The following THSD7B variants were observed in gnomAD, a reference collection of about 807,000 sequenced individuals.
The protein encoded by THSD7B is thrombospondin type 1 domain containing 7B.
THSD7B carries 138 observed loss-of-function variants against 213.6 expected under a neutral mutation model. That is an observed-to-expected ratio of 0.65 (90% CI 0.56 to 0.74). The LOEUF is 0.74. Among genes scored for constraint, THSD7B ranks in the 30% least tolerant of loss-of-function variants. THSD7B has a pLI of 0.00. For synonymous variants in THSD7B, 742 were observed against 687.0 expected, an observed-to-expected ratio of 1.08 and a Z score of -1.25; for missense variants, 1,931 against 1,991.5, an observed-to-expected ratio of 0.97 and a Z score of 0.58.
At position 137,667,813 on chromosome 2, in the gene THSD7B, G is replaced by C. The variant is rs1683478955; in HGVS notation, c.4691G>C (p.Gly1564Ala). The change falls in exon 27 of 28, where the codon GGC becomes GCC. Residue 1564 changes from glycine to alanine, a missense_variant. Physicochemically the swap from Gly to Ala is moderately conservative, Grantham distance 60 (BLOSUM62 0). Transcript: ENST00000409968. Reference protein sequence around the residue: ...VKIWVYGVSGGAFLIMIFLIF... With the variant: ...VKIWVYGVSGAAFLIMIFLIF... ...ATTTGGGTTTATGGCGTTTCAGGTG[G>C]CGCTTTTCTCATCATGATTTTCCTA... 1.9e-6 allele frequency: 3 copies of C among 1,606,002 alleles called. No homozygotes were observed. The African/African-American group carries it at 4.0e-5, about 21-fold the overall frequency.
At chr2:136,946,814 T>G (rs995190641) in intron 2 of THSD7B, among the ~76,000 whole-genome samples, 34 of 152,218 alleles carry the variant, frequency 2.2e-4, no homozygotes, top group Admixed American at 2.2e-3. Context: ...AATCTCCTGA[T>G]GTACTATTTG....
At chr2:137,010,983 T>C (rs1573765539) in intron 2 of THSD7B, among the ~76,000 whole-genome samples, 1 of 152,286 alleles carries the variant, frequency 6.6e-6, no homozygotes, top group Non-Finnish European at 1.5e-5. Flanking sequence ...ATTTTTATCA[T>C]TATCATGATT....
intron 20 of THSD7B, among the ~76,000 whole-genome samples, chr2:137,627,736 T>C (rs927219705): frequency 6.6e-6 from 1 of 152,096 alleles, no homozygotes; most frequent in Non-Finnish European, 1.5e-5. Flanking sequence ...GACAACTACT[T>C]CCACAAAGAA....
intron 13 of THSD7B, among the ~76,000 whole-genome samples, chr2:137,409,639 G>A (rs1257098589): frequency 6.6e-6 from 1 of 152,210 alleles, no homozygotes; most frequent in Non-Finnish European, 1.5e-5. Context: ...AGGATCAGAA[G>A]AGAGATGAAC....
intron 15 of THSD7B, among the ~76,000 whole-genome samples, chr2:137,469,773 T>C (rs1426613969): frequency 6.6e-6 from 1 of 152,210 alleles, no homozygotes; most frequent in African/African-American, 2.4e-5. Context: ...TATTTTACTT[T>C]GTGATGAACC....
chr2:137,108,847 G>A (rs1176860741), intron 4 of THSD7B, among the ~76,000 whole-genome samples: 3 of 152,136 alleles, frequency 2.0e-5, no homozygotes, highest in African/African-American at 7.2e-5. Flanking sequence ...AAGACAGATG[G>A]TAGGAGGTAA....
chr2:137,039,525 T>C (rs1339505587), intron 2 of THSD7B, among the ~76,000 whole-genome samples: 2 of 152,158 alleles, frequency 1.3e-5, no homozygotes, highest in African/African-American at 4.8e-5. Context: ...GCCCCAAATG[T>C]TTAAAGTGCC....
At chr2:137,159,973 C>A (rs1344997670) in intron 5 of THSD7B, among the ~76,000 whole-genome samples, 1 of 152,146 alleles carries the variant, frequency 6.6e-6, no homozygotes, top group Non-Finnish European at 1.5e-5. Flanking sequence ...CAGTGAATAC[C>A]CTGCAAAGCA....
At chr2:136,958,744 G>T (rs1394942679) in intron 2 of THSD7B, among the ~76,000 whole-genome samples, 1 of 152,152 alleles carries the variant, frequency 6.6e-6, no homozygotes, top group Non-Finnish European at 1.5e-5. Flanking sequence ...TTACAGGAGG[G>T]AGGTTTCAGT....
intron 7 of THSD7B, among the ~76,000 whole-genome samples, chr2:137,200,547 G>A (rs1303233923): frequency 1.3e-5 from 2 of 151,896 alleles, no homozygotes; most frequent in African/African-American, 2.4e-5. Context: ...ATTTTTAAAT[G>A]CAAACACACA....
intron 14 of THSD7B, among the ~76,000 whole-genome samples, chr2:137,440,535 G>A (rs1687386130): frequency 6.6e-6 from 1 of 151,660 alleles, no homozygotes; most frequent in Admixed American, 6.6e-5. Context: ...CTTAGTTTAG[G>A]GACTGTAGAA....
intron 12 of THSD7B, among the ~76,000 whole-genome samples, chr2:137,383,752 C>CAG (rs1469407028): frequency 6.6e-6 from 1 of 152,110 alleles, no homozygotes; most frequent in African/African-American, 2.4e-5. Context: ...TGCTTGTGCC[C>CAG]AGAGAGAGAG....
chr2:136,827,285 T>G (rs1200038873), intron 1 of THSD7B, among the ~76,000 whole-genome samples: 2 of 152,198 alleles, frequency 1.3e-5, no homozygotes, highest in Non-Finnish European at 2.9e-5. Flanking sequence ...AAAACTCACA[T>G]TTTTGGTATT....
intron 5 of THSD7B, among the ~76,000 whole-genome samples, chr2:137,139,501 A>G (rs1228357187): frequency 6.6e-6 from 1 of 152,170 alleles, no homozygotes; most frequent in Non-Finnish European, 1.5e-5. Context: ...AATATGCTGC[A>G]ATGTGGCCCA....
At chr2:137,444,352 C>CAA (rs1687483004) in intron 14 of THSD7B, among the ~76,000 whole-genome samples, 1 of 151,900 alleles carries the variant, frequency 6.6e-6, no homozygotes, top group African/African-American at 2.4e-5. Context: ...ATAACAATGG[C>CAA]AAAGTATTGA....
At chr2:137,620,352 G>A (rs897775143) in intron 19 of THSD7B, among the ~76,000 whole-genome samples, 11 of 152,234 alleles carry the variant, frequency 7.2e-5, no homozygotes, top group African/African-American at 2.2e-4. Flanking sequence ...GTAATCAGAC[G>A]CCTCTGCTTT....
intron 2 of THSD7B, among the ~76,000 whole-genome samples, chr2:136,901,133 G>A (rs1684055387): frequency 1.3e-5 from 2 of 151,986 alleles, no homozygotes; most frequent in African/African-American, 4.8e-5. Context: ...AAATGTCTTA[G>A]GTTATTTTTC....
intron 15 of THSD7B, among the ~76,000 whole-genome samples, chr2:137,452,769 GATAAAA>G (rs150839734): frequency 3.6e-4 from 55 of 152,222 alleles, no homozygotes; most frequent in African/African-American, 1.3e-3. Flanking sequence ...GTAAGAATAA[GATAAAA>G]ATAACTCATT....
intron 5 of THSD7B, among the ~76,000 whole-genome samples, chr2:137,120,641 G>T (rs989016735): frequency 1.3e-5 from 2 of 152,112 alleles, no homozygotes; most frequent in Admixed American, 1.3e-4. Context: ...TACACACTAA[G>T]GTAGAGTTTA....
Sources: gnomAD v4.1 joint callset for allele counts (sites outside exome capture counted in the v4.1 genomes callset) on GRCh38, gnomAD v4.1.1 for gene constraint, MANE v1.5 for transcripts, NCBI Gene and HGNC (gene_info 2026-07-23, HGNC 2026-07-21) for gene names.